Variants in NLRP5 observed in about 807,000 individuals in gnomAD.
The protein encoded by NLRP5 is NLR family pyrin domain containing 5.
Under a neutral mutation model 113.1 loss-of-function variants are expected in NLRP5, and 93 were observed. That is an observed-to-expected ratio of 0.82 (90% CI 0.70 to 0.98). The LOEUF (loss-of-function observed/expected upper bound fraction) is 0.98. Among genes scored for constraint, NLRP5 ranks in the 50% least tolerant of loss-of-function variants. NLRP5 has a pLI of 0.00. For missense variants in NLRP5, 1,808 were observed against 1,514.3 expected (o/e 1.19, Z -3.22); for synonymous variants, 751 against 600.7 (o/e 1.25, Z -3.66).
At chr19:56,044,669 C>G (rs754811921) in intron 11 of NLRP5, among the ~76,000 whole-genome samples, 4 of 152,020 alleles carry the variant, frequency 2.6e-5, no homozygotes, top group Non-Finnish European at 5.9e-5. Context: ...GTTCTTTTTG[C>G]TGAGTTTTGC....
chr19:56,026,043 C>A (rs540926291), intron 6 of NLRP5, among the ~76,000 whole-genome samples: 3 of 151,970 alleles, frequency 2.0e-5, no homozygotes, highest in African/African-American at 7.3e-5. Context: ...AAAGGGACAT[C>A]GGGTTGAACA....
At chr19:56,018,335 A>G (rs1982486687) in intron 4 of NLRP5, among the ~76,000 whole-genome samples, 2 of 152,190 alleles carry the variant, frequency 1.3e-5, no homozygotes, top group African/African-American at 4.8e-5. Flanking sequence ...CCTAAGACGA[A>G]TTTGTATTTA....
In NLRP5 at chr19:56,039,610, T is replaced by C. The variant is rs1461407163; in HGVS notation, c.2787-1312T>C. 2.0e-5 allele frequency among the ~76,000 whole-genome samples: 3 copies of C among 152,264 alleles called. No homozygotes were observed. The East Asian group carries it at 5.8e-4, about 29-fold the overall frequency. On this transcript the variant is annotated intron_variant, in intron 10 of 14. Coordinates refer to ENST00000390649, the MANE Select transcript of NLRP5 (RefSeq NM_153447.4). The stretch of plus-strand genomic sequence containing the variant: ...ACTGTTTCTGGAATCACTTCAGTGC[T>C]ACATAAAAAGCTGCTTAAATGGCCA...
chr19:56,002,995 T>C (rs910516427), intron 1 of NLRP5, among the ~76,000 whole-genome samples: 3 of 151,150 alleles, frequency 2.0e-5, no homozygotes, highest in African/African-American at 7.3e-5. Flanking sequence ...GGAACACTTT[T>C]ACACTGTTGG....
At chr19:55,989,324 C>T in the NLRP5 span, among the ~76,000 whole-genome samples, 1 of 152,162 alleles carries the variant, frequency 6.6e-6, no homozygotes, top group Admixed American at 6.5e-5. Context: ...GGCTGGATCT[C>T]TACTCACTGC....
intron 12 of NLRP5, among the ~76,000 whole-genome samples, chr19:56,051,296 G>A (rs4239486): frequency 0.34 from 51,151 of 151,944 alleles, 8,839 homozygotes; most frequent in South Asian, 0.37. Flanking sequence ...AGGTTTGAGC[G>A]ATTTTTCTGC....
At chr19:56,036,152 C>T (rs965641216) in intron 9 of NLRP5, among the ~76,000 whole-genome samples, 1 of 149,748 alleles carries the variant, frequency 6.7e-6, no homozygotes, top group Admixed American at 6.7e-5. Context: ...CAAGCCCCAC[C>T]TCCTGGGTTC....
intron 2 of NLRP5, among the ~76,000 whole-genome samples, chr19:56,005,107 A>AATAT (rs773360006): frequency 2.9e-4 from 28 of 95,324 alleles, no homozygotes; most frequent in African/African-American, 1.0e-3. Context: ...AAAAAAAAAA[A>AATAT]ATATATATAT....
At position 56,041,080 on chromosome 19, in the gene NLRP5, T is replaced by G; in HGVS notation, c.2945T>G (p.Leu982Arg). 6.2e-7 allele frequency: 1 copy of G among 1,613,938 alleles called. No individual in the cohort carries two copies. The highest frequency in any genetic ancestry group is 8.5e-7 in the Non-Finnish European group (1 of 1,179,824). ...TCCATGAGGCTTCCCCACTGTAGTC[T>G]GCAGAGGCTGATGTGAGTCTGGCTT... Residue 982 changes from leucine (L) to arginine (R), a missense_variant, in exon 11 of 15, where the codon CTG becomes CGG. By Grantham distance (102) the Leu-to-Arg change is moderately radical. Coordinates refer to ENST00000390649, the MANE Select transcript of NLRP5 (RefSeq NM_153447.4).
chr19:56,028,054 C>G lies in NLRP5; in HGVS notation c.1821C>G (p.Leu607=). 1 of 1,614,028 alleles carries G rather than the reference C, an allele frequency of 6.2e-7. No homozygotes were observed. The highest frequency in any genetic ancestry group is 8.5e-7 in the Non-Finnish European group (1 of 1,179,886). The change falls in exon 7 of 15, where the codon CTC becomes CTG. Residue 607 remains leucine (L), a synonymous_variant. Coordinates refer to ENST00000390649, the MANE Select transcript of NLRP5 (RefSeq NM_153447.4). ...AGGGCCTGGAAATCGAGCCAGCTCT[C>G]TGCCCTCTGTACGTTGAGAAGACAA... is the stretch of plus-strand genomic sequence containing the variant.
Position 56,050,472 on chromosome 19 carries a change from TATGGGTAACTC to T in NLRP5, c.3017_3027del (p.Gly1006AlafsTer7), listed in dbSNP as rs1238687772. On this transcript the variant is annotated frameshift_variant, in exon 12 of 15. Coordinates refer to ENST00000390649, the MANE Select transcript of NLRP5 (RefSeq NM_153447.4). LOFTEE classifies it high-confidence loss of function. ...GCTGTGGTTTTCTTGCACTTGCGCT[TATGGGTAACTC>T]ATGGCTGACGCACCTGAGCCTTAGC... 1 of 1,613,798 alleles carries T rather than the reference TATGGGTAACTC, an allele frequency of 6.2e-7. No individual in the cohort carries two copies. The highest frequency in any genetic ancestry group is 1.3e-5 in the African/African-American group (1 of 74,908).
At position 56,007,900 on chromosome 19, in the gene NLRP5, CGTGCGTGTGTGTGT is replaced by C. The variant is rs1568483083; in HGVS notation, c.443-884_443-871del. The stretch of plus-strand genomic sequence containing the variant: ...GTGTGTGTGTGTGTGCGCGTGCGCG[CGTGCGTGTGTGTGT>C]GTGTGTGTGTGTGTGTGTGTTTGAA... On this transcript the variant is annotated intron_variant, in intron 2 of 14. Transcript: ENST00000390649. 3.3e-4 allele frequency among the ~76,000 whole-genome samples: 26 copies of C among 79,468 alleles called. 1 individual carries two copies. Among genetic ancestry groups the C allele is most frequent in the Middle Eastern group, 9.6e-3 (2 of 208 alleles). The allele number at this position is 79,468 out of a possible 152,430, so 52.1% of individuals were successfully genotyped here.
chr19:56,020,706 A>G (rs879637262), intron 6 of NLRP5, among the ~76,000 whole-genome samples: 7 of 146,818 alleles, frequency 4.8e-5, no homozygotes, highest in Admixed American at 1.4e-4. Flanking sequence ...ACTTTGTTTG[A>G]TGGATGTTAA....
chr19:55,997,633 A>C (rs1362788606), upstream of NLRP5, among the ~76,000 whole-genome samples: 10 of 152,160 alleles, frequency 6.6e-5, no homozygotes, highest in Admixed American at 3.3e-4. Context: ...GGAGTTAGAG[A>C]CCAGCCTAGC....
chr19:56,038,231 A>G, intron 10 of NLRP5, 36 bp downstream of exon 10: 1 of 1,570,378 alleles, frequency 6.4e-7, no homozygotes, highest in Non-Finnish European at 8.7e-7. Flanking sequence ...GATTATCGTA[A>G]CTTCCACCAG....
At position 56,027,083 on chromosome 19, in the gene NLRP5, C is replaced by A; in HGVS notation, c.850C>A (p.Leu284Met). Reference sequence around the variant, plus strand: ...GGGCTTCCGGCCTCGCACGGTGGTTCTGCACGGAAAGTCAGGAATTGGGAA... The same window carrying A: ...GGGCTTCCGGCCTCGCACGGTGGTTATGCACGGAAAGTCAGGAATTGGGAA... The change falls in exon 7 of 15, where the codon CTG becomes ATG. Residue 284 changes from leucine (L) to methionine (M), a missense_variant. Transcript: ENST00000390649. 6.4e-7 allele frequency: 1 copy of A among 1,563,948 alleles called. No individual in the cohort carries two copies. The highest frequency in any genetic ancestry group is 1.2e-5 in the South Asian group (1 of 84,816).
Position 56,058,296 on chromosome 19 carries a change from C to T in NLRP5, c.3356C>T (p.Ser1119Phe), listed in dbSNP as rs772981506. ...TGTGAGGCACTCTCCTTGGCCCTTT[C>T]CTGCAACCGGCATCTGACCAGTCTA... The change falls in exon 14 of 15, where the codon TCC becomes TTC. Residue 1119 changes from serine (S) to phenylalanine (F), a missense_variant. Physicochemically the swap from Ser to Phe is radical, Grantham distance 155. Coordinates refer to ENST00000390649, the MANE Select transcript of NLRP5 (RefSeq NM_153447.4). 8 of 1,613,950 alleles carry T rather than the reference C, an allele frequency of 5.0e-6. No individual in the cohort carries two copies. Among genetic ancestry groups the T allele is most frequent in the South Asian group, 3.3e-5 (3 of 91,080 alleles).
intron 10 of NLRP5, among the ~76,000 whole-genome samples, chr19:56,039,313 G>A (rs1983432469): frequency 6.6e-6 from 1 of 152,166 alleles, no homozygotes; most frequent in South Asian, 2.1e-4. Context: ...AAATGGGAAA[G>A]TCAGTTTCCT....
rs374218026 is a variant in NLRP5, at chr19:56,027,501, C to T, written c.1268C>T (p.Ser423Phe). 7 of 1,613,812 alleles carry T rather than the reference C, an allele frequency of 4.3e-6. No homozygotes were observed. Among genetic ancestry groups the T allele is most frequent in the African/African-American group, 1.3e-5 (1 of 74,932 alleles). ...GAGAAGCTCAAGTCAGAGGTCGTGT[C>T]TCCCCGTTACCTGTTAGTTAGAGGA... Residue 423 changes from serine (S) to phenylalanine (F), a missense_variant, in exon 7 of 15, where the codon TCT becomes TTT. Coordinates refer to ENST00000390649, the MANE Select transcript of NLRP5 (RefSeq NM_153447.4).
Sources: gnomAD v4.1 joint callset for allele counts (sites outside exome capture counted in the v4.1 genomes callset) on GRCh38, gnomAD v4.1.1 for gene constraint, MANE v1.5 for transcripts, NCBI Gene and HGNC (gene_info 2026-07-23, HGNC 2026-07-21) for gene names.